The following KCND2 variants were observed in gnomAD, a reference collection of about 807,000 sequenced individuals.
The protein encoded by KCND2 is potassium voltage-gated channel subfamily D member 2, also known as A-type voltage-gated potassium channel KCND2.
Under a neutral mutation model 54.4 loss-of-function variants are expected in KCND2, and 16 were observed. The observed-to-expected ratio is 0.29, with a 90% CI of 0.20 to 0.45. The LOEUF is 0.45. Among genes scored for constraint, KCND2 ranks in the 20% least tolerant of loss-of-function variants. The pLI, the probability that KCND2 is intolerant of heterozygous loss-of-function variation, is 1.00. For synonymous variants in KCND2, 317 were observed against 310.7 expected (o/e 1.02, Z -0.21); for missense variants, 486 against 824.2 (o/e 0.59, Z 5.02).
chr7:120,720,964 T>C (rs12533058), intron 1 of KCND2, among the ~76,000 whole-genome samples: 1 of 152,154 alleles, frequency 6.6e-6, no homozygotes, highest in African/African-American at 2.4e-5. Context: ...CGAAGAGAAG[T>C]AAGAAAGTAT....
chr7:120,678,370 TATAC>T (rs1198590058), intron 1 of KCND2, among the ~76,000 whole-genome samples: 43 of 144,440 alleles, frequency 3.0e-4, no homozygotes, highest in South Asian at 1.1e-3. Context: ...TATATATATA[TATAC>T]GCACACACAC....
intron 1 of KCND2, among the ~76,000 whole-genome samples, chr7:120,323,658 A>G (rs2116334318): frequency 7.0e-6 from 1 of 143,498 alleles, no homozygotes; most frequent in East Asian, 2.0e-4. Context: ...ATAGTATTCC[A>G]TGGTGTATAT....
At chr7:120,606,355 T>C (rs1277121591) in intron 1 of KCND2, among the ~76,000 whole-genome samples, 1 of 152,234 alleles carries the variant, frequency 6.6e-6, no homozygotes. Flanking sequence ...TTCTTTGTCC[T>C]TTGAAGGACA....
intron 1 of KCND2, among the ~76,000 whole-genome samples, chr7:120,397,131 C>T (rs959910451): frequency 5.3e-5 from 8 of 152,116 alleles, no homozygotes; most frequent in African/African-American, 1.9e-4. Flanking sequence ...ATTACCTTGA[C>T]CCTGCACTAG....
chr7:120,600,806 GTTGT>G (rs940113870), intron 1 of KCND2, among the ~76,000 whole-genome samples: 1 of 151,836 alleles, frequency 6.6e-6, no homozygotes, highest in African/African-American at 2.4e-5. Context: ...ATATGTTATT[GTTGT>G]TTATGTATTA....
chr7:120,542,955 GA>G (rs1791997109), intron 1 of KCND2, among the ~76,000 whole-genome samples: 1 of 151,952 alleles, frequency 6.6e-6, no homozygotes, highest in Non-Finnish European at 1.5e-5. Flanking sequence ...TACTCTTACG[GA>G]AAGTCAATTT....
At chr7:120,366,805 G>A (rs898241840) in intron 1 of KCND2, among the ~76,000 whole-genome samples, 15 of 152,130 alleles carry the variant, frequency 9.9e-5, no homozygotes, top group South Asian at 4.1e-4. Context: ...TCTAAAATCC[G>A]AATCTCTGTC....
In KCND2 at chr7:120,630,225, A is replaced by C. The variant is rs549070672; in HGVS notation, c.1116-102678A>C. Among the ~76,000 whole-genome samples the C allele has an allele frequency of 6.6e-5, 10 of 152,338 alleles. No homozygotes were observed. In the South Asian group the frequency reaches 1.9e-3, roughly 28 times the overall value. ...ACACAAACAGTAGTGACCTCAGTAC[A>C]CTGAGGCAATCACTCTTTGGTGAGT... On this transcript the variant is annotated intron_variant, in intron 1 of 5. Transcript: ENST00000331113.
chr7:120,680,429 G>A (rs560488783), intron 1 of KCND2, among the ~76,000 whole-genome samples: 65 of 152,138 alleles, frequency 4.3e-4, no homozygotes, highest in African/African-American at 1.5e-3. Context: ...CTGTTTCATC[G>A]CCGTATAAAT....
chr7:120,588,443 T>TGTG (rs1792628532), intron 1 of KCND2, among the ~76,000 whole-genome samples: 1 of 54,234 alleles, frequency 1.8e-5, no homozygotes, highest in Admixed American at 1.7e-4. Context: ...GTGTGTGTGT[T>TGTG]TCCTTGAGTG....
At chr7:120,292,786 C>T (rs1252887271) in intron 1 of KCND2, among the ~76,000 whole-genome samples, 14 of 151,878 alleles carry the variant, frequency 9.2e-5, no homozygotes, top group Non-Finnish European at 1.9e-4. Context: ...CAGGGTGATA[C>T]TTGGAGAAAA....
intron 1 of KCND2, among the ~76,000 whole-genome samples, chr7:120,691,711 T>C (rs1452080184): frequency 6.6e-6 from 1 of 152,040 alleles, no homozygotes; most frequent in Non-Finnish European, 1.5e-5. Flanking sequence ...CATTTAGGCA[T>C]CATCCAGGTA....
chr7:120,731,464 C>G (rs146594245), intron 1 of KCND2, among the ~76,000 whole-genome samples: 46 of 152,252 alleles, frequency 3.0e-4, no homozygotes, highest in African/African-American at 1.1e-3. Flanking sequence ...GGCCAGATGG[C>G]CAGTGTGGCC....
intron 1 of KCND2, among the ~76,000 whole-genome samples, chr7:120,570,962 C>G (rs1179717374): frequency 6.6e-6 from 1 of 152,164 alleles, no homozygotes; most frequent in Non-Finnish European, 1.5e-5. Flanking sequence ...CACTGTGATA[C>G]TAACAGTTCC....
intron 1 of KCND2, among the ~76,000 whole-genome samples, chr7:120,321,563 CTT>C (rs1799893257): frequency 1.3e-5 from 2 of 151,410 alleles, no homozygotes; most frequent in African/African-American, 4.8e-5. Context: ...TATTTTTTTT[CTT>C]GTTACTGAAA....
chr7:120,561,598 A>ATTT (rs57015988), intron 1 of KCND2, among the ~76,000 whole-genome samples: 4 of 47,336 alleles, frequency 8.5e-5, no homozygotes, highest in Non-Finnish European at 1.2e-4. Context: ...AAGCTACCTG[A>ATTT]TTTTTTTTTT....
At chr7:120,304,832 G>T (rs1799628249) in intron 1 of KCND2, among the ~76,000 whole-genome samples, 1 of 152,004 alleles carries the variant, frequency 6.6e-6, no homozygotes, top group South Asian at 2.1e-4. Flanking sequence ...AAGTATTCTG[G>T]TGATTCCTAA....
intron 4 of KCND2, 114 bp from the exon 5 acceptor site, chr7:120,745,666 T>C (rs1397456065): frequency 3.7e-6 from 4 of 1,079,144 alleles, no homozygotes; most frequent in Non-Finnish European, 5.6e-6. Flanking sequence ...TATTTAACCA[T>C]TGTATCAAGT....
intron 1 of KCND2, among the ~76,000 whole-genome samples, chr7:120,431,374 G>A (rs964150954): frequency 1.3e-5 from 2 of 152,170 alleles, no homozygotes; most frequent in Non-Finnish European, 2.9e-5. Context: ...CCTTTTCATG[G>A]AAGACCAGAA....
Sources: gnomAD v4.1 joint callset for allele counts (sites outside exome capture counted in the v4.1 genomes callset) on GRCh38, gnomAD v4.1.1 for gene constraint, MANE v1.5 for transcripts, NCBI Gene and HGNC (gene_info 2026-07-23, HGNC 2026-07-21) for gene names.